EVA1C: variants seen among roughly 807,000 people sequenced by gnomAD.
The protein encoded by EVA1C is protein eva-1 homolog C.
Under a neutral mutation model 45.4 loss-of-function variants are expected in EVA1C, and 25 were observed. The observed-to-expected ratio is 0.55, with a 90% confidence interval of 0.40 to 0.77. The LOEUF is 0.77. Among genes scored for constraint, EVA1C ranks in the 30% least tolerant of loss-of-function variants. The pLI, the probability that EVA1C is intolerant of heterozygous loss-of-function variation, is 0.00. For synonymous variants in EVA1C, 190 were observed against 221.2 expected (o/e 0.86, Z 1.25); for missense variants, 479 against 554.8 (o/e 0.86, Z 1.37).
In EVA1C at chr21:32,514,981, G is replaced by A. The variant is rs560533593; in HGVS notation, c.1117G>A (p.Glu373Lys). ...PGSDKVEEDS[E>K]DEEEEEDPSE... ...AAGTGACAAGGTCGAGGAGGACAGCGAGGATGAAGAAGAGGAGGAGGACCC... is the reference window on the plus strand; with the variant it reads ...AAGTGACAAGGTCGAGGAGGACAGCAAGGATGAAGAAGAGGAGGAGGACCC... The change falls in exon 8 of 8, where the codon GAG (glutamate) becomes AAG (lysine). Residue 373 changes from glutamate (E) to lysine (K), a missense_variant. Physicochemically the swap from Glu to Lys is moderately conservative, Grantham distance 56. Transcript: ENST00000300255. 5 of 1,614,012 alleles carry A rather than the reference G, an allele frequency of 3.1e-6. 1 individual carries two copies. The highest frequency in any genetic ancestry group is 3.3e-5 in the Admixed American group (2 of 59,996).
Position 32,512,203 on chromosome 21 carries a change from G to A in EVA1C, c.950-2611G>A, listed in dbSNP as rs562496987. 1.4e-3 allele frequency among the ~76,000 whole-genome samples: 211 copies of A among 152,206 alleles called. 3 individuals carry two copies. The highest frequency in any genetic ancestry group is 4.6e-3 in the African/African-American group (190 of 41,518). ...TAGACACAGGTGTGGTCAAGGCCTC[G>A]CTCCTATACGGGTGTGCATTCATAG... On this transcript the variant is annotated intron_variant, in intron 7 of 7. Transcript: ENST00000300255.
intron 3 of EVA1C, among the ~76,000 whole-genome samples, chr21:32,460,486 G>C (rs999282793): frequency 2.0e-5 from 3 of 152,162 alleles, no homozygotes; most frequent in African/African-American, 7.2e-5. Context: ...AGCATGATGA[G>C]AGCAGGAACT....
At chr21:32,427,673 A>G (rs968378433) in intron 1 of EVA1C, among the ~76,000 whole-genome samples, 3 of 150,432 alleles carry the variant, frequency 2.0e-5, no homozygotes, top group African/African-American at 7.3e-5. Flanking sequence ...ATATCGTGCC[A>G]CTGCACTCCA....
At chr21:32,459,447 G>C (rs1236022010) in intron 3 of EVA1C, among the ~76,000 whole-genome samples, 1 of 152,214 alleles carries the variant, frequency 6.6e-6, no homozygotes, top group Admixed American at 6.5e-5. Flanking sequence ...AGACGACTGT[G>C]TCATAGCCTT....
chr21:32,440,661 G>A (rs925232830), intron 1 of EVA1C, among the ~76,000 whole-genome samples: 3 of 152,168 alleles, frequency 2.0e-5, no homozygotes, highest in Admixed American at 1.3e-4. Context: ...TTCCGTAGAT[G>A]TGTGTGTAGC....
chr21:32,448,053 C>A (rs1363938924), intron 1 of EVA1C, among the ~76,000 whole-genome samples: 1 of 152,172 alleles, frequency 6.6e-6, no homozygotes, highest in Non-Finnish European at 1.5e-5. Flanking sequence ...GTCCCCATCC[C>A]CCATCCCATA....
chr21:32,465,307 G>C (rs867170571), intron 3 of EVA1C, among the ~76,000 whole-genome samples: 12 of 152,188 alleles, frequency 7.9e-5, no homozygotes, highest in Admixed American at 7.2e-4. Context: ...ACATGAGCAC[G>C]TGAGAGGAGT....
At position 32,437,076 on chromosome 21, in the gene EVA1C, C is replaced by T. The variant is rs559038540; in HGVS notation, c.161-16236C>T. ...TTGGGAGGCTGAGGCAGGAGAATCA[C>T]TTGAGCCTGGGAGGTGGAGGTCGCA... On this transcript the variant is annotated intron_variant, in intron 1 of 7. Coordinates refer to ENST00000300255, the MANE Select transcript of EVA1C (RefSeq NM_058187.5). Among the ~76,000 whole-genome samples, 11 of 152,358 alleles carry T rather than the reference C, an allele frequency of 7.2e-5. No homozygotes were observed. In the South Asian group the frequency reaches 2.3e-3, roughly 32 times the overall value.
intron 4 of EVA1C, among the ~76,000 whole-genome samples, chr21:32,494,069 G>A (rs561455632): frequency 1.7e-4 from 26 of 152,294 alleles, no homozygotes; most frequent in African/African-American, 6.3e-4. Flanking sequence ...CAAAGTGCTA[G>A]GATTACAGGC....
intron 7 of EVA1C, among the ~76,000 whole-genome samples, chr21:32,508,955 AAC>A (rs1335637099): frequency 1.3e-5 from 2 of 152,246 alleles, no homozygotes; most frequent in East Asian, 1.9e-4. Context: ...TGCCAGCAGA[AAC>A]ACAGTGTGAA....
intron 1 of EVA1C, among the ~76,000 whole-genome samples, chr21:32,450,345 T>G (rs2035533478): frequency 6.6e-6 from 1 of 151,756 alleles, no homozygotes; most frequent in South Asian, 2.1e-4. Flanking sequence ...GACCCAGGTA[T>G]CTTCCATCTT....
Position 32,413,094 on chromosome 21 carries a change from G to C in EVA1C, c.160+81G>C, listed in dbSNP as rs970154901. The C allele has an allele frequency of 1.6e-5, 19 of 1,189,028 alleles. No individual in the cohort carries two copies. The African/African-American group carries it at 3.1e-4, about 19-fold the overall frequency. The allele number at this position is 1,189,028 out of a possible 1,614,324, so 73.7% of individuals were successfully genotyped here. A position where few individuals can be genotyped will look rare whatever the true frequency, so the allele number is the denominator to read the frequency against. On this transcript the variant is annotated intron_variant, in intron 1 of 7. Transcript: ENST00000300255. Reference sequence around the variant, plus strand: ...CCCTCGACTGGGGGCAGCCGCACCAGTGGACACGGCGGGGTAGGATTAAAG... The same window carrying C: ...CCCTCGACTGGGGGCAGCCGCACCACTGGACACGGCGGGGTAGGATTAAAG...
At chr21:32,463,723 C>T (rs997884753) in intron 3 of EVA1C, among the ~76,000 whole-genome samples, 5 of 138,376 alleles carry the variant, frequency 3.6e-5, no homozygotes, top group African/African-American at 8.4e-5. Flanking sequence ...TCATGACATG[C>T]CTTAAACAAA....
At chr21:32,448,231 G>T (rs1004489316) in intron 1 of EVA1C, among the ~76,000 whole-genome samples, 1 of 152,204 alleles carries the variant, frequency 6.6e-6, no homozygotes, top group African/African-American at 2.4e-5. Context: ...TCACCCAGCA[G>T]CCCATCCTCG....
chr21:32,456,639 G>A (rs1389810816), intron 2 of EVA1C, among the ~76,000 whole-genome samples: 3 of 152,212 alleles, frequency 2.0e-5, no homozygotes, highest in East Asian at 1.9e-4. Context: ...AGAGGCTCAC[G>A]TGTCTGCACT....
In EVA1C at chr21:32,441,634, G is replaced by A. The variant is rs112023783; in HGVS notation, c.161-11678G>A. ...TGTAGACAAATGCCGAGACAGCCACGAAAATCTGAAATCCATACATATAAA... is the reference window on the plus strand; with the variant it reads ...TGTAGACAAATGCCGAGACAGCCACAAAAATCTGAAATCCATACATATAAA... On this transcript the variant is annotated intron_variant, in intron 1 of 7. Coordinates refer to ENST00000300255, the MANE Select transcript of EVA1C (RefSeq NM_058187.5). Among the ~76,000 whole-genome samples, 415 of 152,086 alleles carry A rather than the reference G, an allele frequency of 2.7e-3. 1 individual carries two copies. Among genetic ancestry groups the A allele is most frequent in the African/African-American group, 9.4e-3 (391 of 41,508 alleles).
intron 1 of EVA1C, among the ~76,000 whole-genome samples, chr21:32,440,823 A>G (rs1472000504): frequency 6.6e-6 from 1 of 152,188 alleles, no homozygotes; most frequent in Non-Finnish European, 1.5e-5. Flanking sequence ...TCATTGGGCC[A>G]GGCGCAGTGG....
intron 4 of EVA1C, among the ~76,000 whole-genome samples, chr21:32,469,539 C>G (rs2036297838): frequency 6.6e-6 from 1 of 152,162 alleles, no homozygotes; most frequent in African/African-American, 2.4e-5. Flanking sequence ...TCAAGCCCTC[C>G]TATATGATTC....
At chr21:32,471,335 T>C (rs541950207) in intron 4 of EVA1C, among the ~76,000 whole-genome samples, 2,747 of 151,152 alleles carry the variant, frequency 0.018, 94 homozygotes, top group African/African-American at 0.062. Context: ...TTTTTTCTTT[T>C]TTTTTTTTTG....
Sources: allele counts gnomAD v4.1 joint callset (sites outside exome capture counted in the v4.1 genomes callset), GRCh38; gene constraint gnomAD v4.1.1; transcripts MANE v1.5; gene names NCBI Gene and HGNC (gene_info 2026-07-23, HGNC 2026-07-21).